Variants in NDST3 observed in about 807,000 individuals in gnomAD.
NDST3 encodes N-deacetylase and N-sulfotransferase 3, also known as bifunctional heparan sulfate N-deacetylase/N-sulfotransferase 3.
Under a neutral mutation model 96.1 loss-of-function variants are expected in NDST3, and 58 were observed. The observed-to-expected ratio is 0.60, with a 90% CI of 0.49 to 0.75. NDST3 has a LOEUF of 0.75. Among genes scored for constraint, NDST3 ranks in the 30% least tolerant of loss-of-function variants. The probability of loss-of-function intolerance (pLI) is 0.00; values close to 1 mark genes in which losing one functional copy is unlikely to be tolerated. For missense variants in NDST3, 788 were observed against 1,034.2 expected (o/e 0.76, Z 3.27); for synonymous variants, 333 against 359.7 (o/e 0.93, Z 0.84).
intron 6 of NDST3, among the ~76,000 whole-genome samples, chr4:118,171,200 G>T (rs1327253016): frequency 6.6e-6 from 1 of 152,022 alleles, no homozygotes; most frequent in Non-Finnish European, 1.5e-5. Flanking sequence ...CTTTGTAGTA[G>T]AAACTTCAGC....
In NDST3 at chr4:118,118,474, A is replaced by AT. The variant is rs749826892; in HGVS notation, c.1224+3518dup. On this transcript the variant is annotated intron_variant, in intron 4 of 13. Coordinates refer to ENST00000296499, the MANE Select transcript of NDST3 (RefSeq NM_004784.3). Reference sequence around the variant, plus strand: ...CATCATTTACAGCCACATACCTGCTATTTTCATTGAGTTTTAACAAATACA... The same window carrying AT: ...CATCATTTACAGCCACATACCTGCTATTTTTCATTGAGTTTTAACAAATACA... 9.3e-4 allele frequency among the ~76,000 whole-genome samples: 142 copies of AT among 152,306 alleles called. 1 individual carries two copies. Among genetic ancestry groups the AT allele is most frequent in the Admixed American group, 2.1e-3 (32 of 15,286 alleles).
intron 2 of NDST3, among the ~76,000 whole-genome samples, chr4:118,069,144 A>G (rs72621814): frequency 2.3e-5 from 1 of 43,500 alleles, no homozygotes; most frequent in Non-Finnish European, 1.2e-4. Flanking sequence ...TGTGCATCAG[A>G]TCAGTCAGAA....
At position 118,256,024 on chromosome 4, in the gene NDST3, GT is replaced by G; in HGVS notation, c.*313del. 1 of 172,342 alleles carries G rather than the reference GT, an allele frequency of 5.8e-6. No individual in the cohort carries two copies. The highest frequency in any genetic ancestry group is 1.5e-4 in the East Asian group (1 of 6,594). The allele number at this position is 172,342 out of a possible 1,614,324, so 10.7% of individuals were successfully genotyped here. ...AAATGCAGAACTGTTCCATTTCATAGTAATATTTACACTTTTATATATCAAC... is the reference window on the plus strand; with the variant it reads ...AAATGCAGAACTGTTCCATTTCATAGAATATTTACACTTTTATATATCAAC... On this transcript the variant is annotated 3_prime_UTR_variant, in exon 14 of 14. Coordinates refer to ENST00000296499, the MANE Select transcript of NDST3 (RefSeq NM_004784.3).
intron 5 of NDST3, among the ~76,000 whole-genome samples, chr4:118,141,102 T>G (rs1733538775): frequency 6.6e-6 from 1 of 152,194 alleles, no homozygotes; most frequent in African/African-American, 2.4e-5. Flanking sequence ...TACAGGATAT[T>G]GACTTCAGTC....
chr4:118,132,151 C>A (rs560018932), intron 4 of NDST3, among the ~76,000 whole-genome samples: 69 of 152,256 alleles, frequency 4.5e-4, no homozygotes, highest in African/African-American at 1.7e-3. Context: ...CCCTTCAGAG[C>A]GGCAAGTTCC....
chr4:118,042,248 C>T (rs2110427213), intron 1 of NDST3, among the ~76,000 whole-genome samples: 1 of 152,286 alleles, frequency 6.6e-6, no homozygotes, highest in Non-Finnish European at 1.5e-5. Context: ...TTCTAGTCCC[C>T]AAGACTGCTA....
At chr4:118,153,304 T>C (rs141008992) in intron 6 of NDST3, among the ~76,000 whole-genome samples, 7 of 152,206 alleles carry the variant, frequency 4.6e-5, no homozygotes, top group Non-Finnish European at 1.0e-4. Context: ...TAGGCATTTA[T>C]ATCTTGTGTT....
chr4:118,082,483 A>G (rs957994777), intron 2 of NDST3, among the ~76,000 whole-genome samples: 3 of 152,222 alleles, frequency 2.0e-5, no homozygotes, highest in South Asian at 2.1e-4. Context: ...AGTGGGTTGC[A>G]TTATAGGAGA....
At chr4:118,093,581 T>C (rs944879308) in intron 2 of NDST3, among the ~76,000 whole-genome samples, 1 of 151,888 alleles carries the variant, frequency 6.6e-6, no homozygotes, top group African/African-American at 2.4e-5. Context: ...TGATTTACAC[T>C]TTTTCTGCCT....
At chr4:118,179,715 T>C (rs1736481655) in intron 6 of NDST3, among the ~76,000 whole-genome samples, 4 of 152,076 alleles carry the variant, frequency 2.6e-5, no homozygotes. Flanking sequence ...AGCCAATCTG[T>C]AGGGCTAGTT....
At chr4:118,058,088 ACTT>A (rs1725579035) in intron 2 of NDST3, among the ~76,000 whole-genome samples, 1 of 15,670 alleles carries the variant, frequency 6.4e-5, no homozygotes, top group East Asian at 3.9e-3. Context: ...AATTATTACC[ACTT>A]ATGAGCAAAT....
chr4:118,130,015 T>C (rs1732476109), intron 4 of NDST3, among the ~76,000 whole-genome samples: 1 of 152,062 alleles, frequency 6.6e-6, no homozygotes, highest in Non-Finnish European at 1.5e-5. Flanking sequence ...TCCTGTTCAT[T>C]TTTTGTTTCA....
chr4:118,175,656 G>A (rs1736232261), intron 6 of NDST3, among the ~76,000 whole-genome samples: 1 of 152,072 alleles, frequency 6.6e-6, no homozygotes, highest in Non-Finnish European at 1.5e-5. Flanking sequence ...CTCCTTGATA[G>A]AGGTGAAGCT....
At chr4:118,046,174 C>A (rs1245043281) in intron 1 of NDST3, among the ~76,000 whole-genome samples, 1 of 152,296 alleles carries the variant, frequency 6.6e-6, no homozygotes, top group Non-Finnish European at 1.5e-5. Flanking sequence ...CTCAACAGCT[C>A]CGGGGGAATA....
chr4:118,094,357 C>T (rs1197921541), intron 2 of NDST3, among the ~76,000 whole-genome samples: 1 of 151,836 alleles, frequency 6.6e-6, no homozygotes, highest in Non-Finnish European at 1.5e-5. Flanking sequence ...ATGGTATAAT[C>T]TAAAGCCACA....
intron 12 of NDST3, among the ~76,000 whole-genome samples, chr4:118,245,394 A>C (rs1369937405): frequency 6.6e-6 from 1 of 152,222 alleles, no homozygotes; most frequent in African/African-American, 2.4e-5. Flanking sequence ...ATGGGCAATG[A>C]GAAGTTGAAA....
intron 2 of NDST3, among the ~76,000 whole-genome samples, chr4:118,076,103 T>A (rs1727504314): frequency 6.6e-6 from 1 of 152,192 alleles, no homozygotes; most frequent in South Asian, 2.1e-4. Flanking sequence ...TTTCTTTTCT[T>A]TAAGAATACT....
At chr4:118,216,664 C>T (rs34185290) in intron 6 of NDST3, among the ~76,000 whole-genome samples, 9,279 of 151,858 alleles carry the variant, frequency 0.061, 382 homozygotes, top group Non-Finnish European at 0.092. Flanking sequence ...TAAGGTTTCA[C>T]GGAAAACAGA....
At chr4:118,246,538 G>A (rs1453787483) in intron 12 of NDST3, among the ~76,000 whole-genome samples, 8 of 152,060 alleles carry the variant, frequency 5.3e-5, no homozygotes, top group African/African-American at 1.7e-4. Flanking sequence ...CCTGAGAGGC[G>A]GAGGTTGCAG....
Sources: allele counts gnomAD v4.1 joint callset (sites outside exome capture counted in the v4.1 genomes callset), GRCh38; gene constraint gnomAD v4.1.1; transcripts MANE v1.5; gene names NCBI Gene and HGNC (gene_info 2026-07-23, HGNC 2026-07-21).